Variants in XRCC4 observed in about 807,000 individuals in gnomAD.
XRCC4 encodes DNA repair protein XRCC4.
A neutral mutation model predicts 39.1 loss-of-function variants in XRCC4; 28 were observed. The ratio of observed to expected loss-of-function variants is 0.72; its 90% CI spans 0.53 to 0.98. The LOEUF is 0.98. Ranked by LOEUF, XRCC4 falls within the 50% of genes least tolerant of loss-of-function variation. The pLI is 0.00. For missense variants in XRCC4, 350 were observed against 376.4 expected, an observed-to-expected ratio of 0.93 and a Z score of 0.58; for synonymous variants, 123 against 126.4, an observed-to-expected ratio of 0.97 and a Z score of 0.18.
chr5:83,084,154 A>C (rs1460032321), intron 1 of XRCC4, among the ~76,000 whole-genome samples: 2 of 152,218 alleles, frequency 1.3e-5, no homozygotes, highest in Non-Finnish European at 2.9e-5. Context: ...TTTGATTCCA[A>C]CCTGGGTCTT....
chr5:83,369,242 G>GT, the XRCC4 span, among the ~76,000 whole-genome samples: 2 of 152,080 alleles, frequency 1.3e-5, no homozygotes, highest in Non-Finnish European at 2.9e-5. Context: ...TACTTTCTTT[G>GT]TTTTCTTTTT....
chr5:83,215,740 GACAA>G (rs1164898695), intron 6 of XRCC4, among the ~76,000 whole-genome samples: 1 of 152,174 alleles, frequency 6.6e-6, no homozygotes, highest in Non-Finnish European at 1.5e-5. Context: ...TAGTCTTTTA[GACAA>G]ACAGTGCTTG....
intron 4 of XRCC4, among the ~76,000 whole-genome samples, chr5:83,199,229 C>T (rs1490954781): frequency 6.6e-6 from 1 of 152,056 alleles, no homozygotes; most frequent in Non-Finnish European, 1.5e-5. Flanking sequence ...CTTGATAGCC[C>T]GTTACAGTGT....
At chr5:83,108,417 C>G (rs565460636) in intron 2 of XRCC4, among the ~76,000 whole-genome samples, 166 of 151,606 alleles carry the variant, frequency 1.1e-3, no homozygotes, top group African/African-American at 3.9e-3. Flanking sequence ...TTTTCTCCTT[C>G]AAAAATTAAA....
At chr5:83,333,638 CAA>C (rs1756505112) in intron 7 of XRCC4, among the ~76,000 whole-genome samples, 1 of 152,096 alleles carries the variant, frequency 6.6e-6, no homozygotes, top group Non-Finnish European at 1.5e-5. Context: ...TGCATAGTAT[CAA>C]AACTTTTTAT....
At chr5:83,184,059 T>TA (rs920549306) in intron 3 of XRCC4, among the ~76,000 whole-genome samples, 26 of 152,086 alleles carry the variant, frequency 1.7e-4, no homozygotes, top group African/African-American at 5.6e-4. Context: ...AAGTAAAGTT[T>TA]AAAAAAATTT....
chr5:83,101,448 T>C (rs1745931106), intron 1 of XRCC4, among the ~76,000 whole-genome samples: 1 of 152,124 alleles, frequency 6.6e-6, no homozygotes, highest in Non-Finnish European at 1.5e-5. Flanking sequence ...AGAATTGCTT[T>C]TGGATTAAAA....
At chr5:83,368,340 A>G in the XRCC4 span, among the ~76,000 whole-genome samples, 1 of 152,178 alleles carries the variant, frequency 6.6e-6, no homozygotes, top group Non-Finnish European at 1.5e-5. Context: ...GGCAATGAGC[A>G]CAGGGCCTGG....
intron 1 of XRCC4, among the ~76,000 whole-genome samples, chr5:83,093,112 A>G (rs1216698585): frequency 6.6e-6 from 1 of 152,136 alleles, no homozygotes; most frequent in East Asian, 1.9e-4. Flanking sequence ...CTGAAAGTGA[A>G]GAAATGGAAA....
At chr5:83,287,047 C>T (rs572838140) in intron 7 of XRCC4, among the ~76,000 whole-genome samples, 1 of 151,952 alleles carries the variant, frequency 6.6e-6, no homozygotes, top group African/African-American at 2.4e-5. Context: ...GATTAAGATT[C>T]GTGTATGTTG....
chr5:83,321,090 T>G (rs1171512778), intron 7 of XRCC4, among the ~76,000 whole-genome samples: 1 of 152,146 alleles, frequency 6.6e-6, no homozygotes, highest in Non-Finnish European at 1.5e-5. Context: ...ATTACAGGCA[T>G]TAGCAAGTTA....
intron 7 of XRCC4, among the ~76,000 whole-genome samples, chr5:83,337,672 C>T (rs151297328): frequency 6.6e-6 from 1 of 152,284 alleles, no homozygotes; most frequent in East Asian, 1.9e-4. Flanking sequence ...AAGCCATCCA[C>T]GCTGTGTCCT....
At chr5:83,253,854 A>T (rs1293966818) in intron 6 of XRCC4, among the ~76,000 whole-genome samples, 3 of 152,042 alleles carry the variant, frequency 2.0e-5, no homozygotes, top group South Asian at 4.1e-4. Flanking sequence ...AGGGAAGCTA[A>T]CTCCCTGCCT....
At chr5:83,238,426 G>C (rs1456012645) in intron 6 of XRCC4, among the ~76,000 whole-genome samples, 2 of 151,904 alleles carry the variant, frequency 1.3e-5, no homozygotes, top group Non-Finnish European at 2.9e-5. Flanking sequence ...CACACCCCTG[G>C]GTGTTTCCAA....
At chr5:83,261,139 T>G (rs1753733090) in intron 7 of XRCC4, among the ~76,000 whole-genome samples, 1 of 151,826 alleles carries the variant, frequency 6.6e-6, no homozygotes, top group Non-Finnish European at 1.5e-5. Context: ...CTAGTTGTAC[T>G]TTCCCAATAT....
chr5:83,242,666 T>C (rs1752957672), intron 6 of XRCC4, among the ~76,000 whole-genome samples: 1 of 152,104 alleles, frequency 6.6e-6, no homozygotes, highest in East Asian at 1.9e-4. Flanking sequence ...AACTCCAAAT[T>C]TCTAATGTAT....
At chr5:83,190,053 G>A (rs1234367289) in intron 3 of XRCC4, among the ~76,000 whole-genome samples, 1 of 152,024 alleles carries the variant, frequency 6.6e-6, no homozygotes, top group Non-Finnish European at 1.5e-5. Flanking sequence ...GACAGAGCGA[G>A]AATCTGTCTC....
chr5:83,258,594 A>T lies in XRCC4; in HGVS notation c.810A>T (p.Arg270Ser). Residue 270 changes from arginine (R) to serine (S), a missense_variant, in exon 7 of 8, where the codon AGA (arginine) becomes AGT (serine). Physicochemically the swap from Arg to Ser is moderately radical, Grantham distance 110. Transcript: ENST00000396027. Reference protein sequence around the residue: ...SLDVTDIAPSRKRRQRMQRNL... With the variant: ...SLDVTDIAPSSKRRQRMQRNL... The stretch of plus-strand genomic sequence containing the variant: ...ATGTCACTGATATTGCACCAAGTAG[A>T]AAAAGGAGACAGCGAATGCAAAGAA... 1 of 1,610,732 alleles carries T rather than the reference A, an allele frequency of 6.2e-7. No homozygotes were observed. The highest frequency in any genetic ancestry group is 1.1e-5 in the South Asian group (1 of 90,258).
At position 83,111,114 on chromosome 5, in the gene XRCC4, T is replaced by C; in HGVS notation, c.226T>C (p.Ser76Pro). ...YVGELRKALL[S>P]GAGPADVYTF... ...TGGTGAACTGAGAAAAGCATTGTTG[T>C]CAGGAGCAGGACCAGCTGATGTATA... The change falls in exon 3 of 8, where the codon TCA becomes CCA. Residue 76 changes from serine (S) to proline (P), a missense_variant. Ser to Pro is a moderately conservative substitution (Grantham distance 74). Coordinates refer to ENST00000396027, the MANE Select transcript of XRCC4 (RefSeq NM_003401.5). 1 of 1,611,872 alleles carries C rather than the reference T, an allele frequency of 6.2e-7. No homozygotes were observed. Among genetic ancestry groups the C allele is most frequent in the Non-Finnish European group, 8.5e-7 (1 of 1,178,980 alleles).
Sources: allele counts gnomAD v4.1 joint callset (sites outside exome capture counted in the v4.1 genomes callset), GRCh38; gene constraint gnomAD v4.1.1; transcripts MANE v1.5; gene names NCBI Gene and HGNC (gene_info 2026-07-23, HGNC 2026-07-21).